SRPK2: variants seen among roughly 807,000 people sequenced by gnomAD.
SRPK2 encodes SRSF protein kinase 2, also known as SFRS protein kinase 2.
In SRPK2, 21 loss-of-function variants were observed where a neutral mutation model predicts 90.8. The observed-to-expected ratio is 0.23, with a 90% confidence interval of 0.16 to 0.33. The LOEUF (loss-of-function observed/expected upper bound fraction) is 0.33, where lower values mean the gene tolerates loss of function less well. Ranked by LOEUF, SRPK2 falls within the 10% of genes least tolerant of loss-of-function variation. The pLI is 1.00. For synonymous variants in SRPK2, 288 were observed against 311.1 expected, an observed-to-expected ratio of 0.93 and a Z score of 0.78; for missense variants, 620 against 869.0, an observed-to-expected ratio of 0.71 and a Z score of 3.60.
At chr7:105,162,318 AGGCATGAGC>A (rs1807798646) in intron 6 of SRPK2, among the ~76,000 whole-genome samples, 1 of 152,230 alleles carries the variant, frequency 6.6e-6, no homozygotes, top group South Asian at 2.1e-4. Flanking sequence ...CTGGGATTAC[AGGCATGAGC>A]CACCACACCT....
At chr7:105,262,215 G>GCCA (rs1356108529) in intron 2 of SRPK2, among the ~76,000 whole-genome samples, 1 of 152,114 alleles carries the variant, frequency 6.6e-6, no homozygotes, top group Admixed American at 6.5e-5. Context: ...ATAAATAATG[G>GCCA]CCAACAGAAA....
chr7:105,211,566 A>T (rs1264326316), intron 2 of SRPK2, among the ~76,000 whole-genome samples: 1 of 152,006 alleles, frequency 6.6e-6, no homozygotes, highest in African/African-American at 2.4e-5. Flanking sequence ...AGTGAGAGTG[A>T]GGGGGGAGGT....
intron 2 of SRPK2, among the ~76,000 whole-genome samples, chr7:105,378,718 A>C (rs1449992518): frequency 6.6e-6 from 1 of 150,642 alleles, no homozygotes; most frequent in Non-Finnish European, 1.5e-5. Context: ...AGCCGAGATC[A>C]TGCCACTGCA....
intron 7 of SRPK2, among the ~76,000 whole-genome samples, chr7:105,159,448 CAAA>C (rs765544583): frequency 1.9e-3 from 63 of 33,138 alleles, no homozygotes; most frequent in Admixed American, 7.2e-3. Flanking sequence ...ACTCCGTCTC[CAAA>C]AAAAAAAAAA....
At chr7:105,126,211 C>T (rs375848047) in intron 15 of SRPK2, 37 bp downstream of exon 15, 32 of 1,494,648 alleles carry the variant, frequency 2.1e-5, no homozygotes, top group Non-Finnish European at 2.9e-5. Flanking sequence ...CAGTTTCTGT[C>T]TGCATCGTGG....
intron 3 of SRPK2, among the ~76,000 whole-genome samples, chr7:105,176,773 G>A (rs10228980): frequency 0.089 from 7,096 of 80,052 alleles, 188 homozygotes; most frequent in African/African-American, 0.13. Flanking sequence ...GTGTGTGTGT[G>A]TATATATATA....
chr7:105,296,487 AG>A, intron 2 of SRPK2, among the ~76,000 whole-genome samples: 1 of 152,354 alleles, frequency 6.6e-6, no homozygotes, highest in Non-Finnish European at 1.5e-5. Context: ...TTTAAAAAAA[AG>A]TCTTTAGAAA....
At chr7:105,128,480 G>T (rs1334141434) in intron 13 of SRPK2, among the ~76,000 whole-genome samples, 1 of 152,100 alleles carries the variant, frequency 6.6e-6, no homozygotes, top group Non-Finnish European at 1.5e-5. Context: ...CTCATAACTG[G>T]CCCCAAATCC....
intron 2 of SRPK2, among the ~76,000 whole-genome samples, chr7:105,365,832 T>C (rs962452671): frequency 6.6e-6 from 1 of 151,394 alleles, no homozygotes; most frequent in Non-Finnish European, 1.5e-5. Flanking sequence ...TTCAGGCAGA[T>C]AGCCTTTCTC....
At chr7:105,250,510 A>T (rs1041187286) in intron 2 of SRPK2, among the ~76,000 whole-genome samples, 3 of 152,136 alleles carry the variant, frequency 2.0e-5, no homozygotes, top group Non-Finnish European at 4.4e-5. Flanking sequence ...ACATTTGGAG[A>T]TATACAGGTT....
chr7:105,202,971 T>C (rs1251100043), intron 3 of SRPK2, among the ~76,000 whole-genome samples: 2 of 152,230 alleles, frequency 1.3e-5, no homozygotes, highest in Admixed American at 1.3e-4. Flanking sequence ...TATGTTCTTT[T>C]ATTATTTTAA....
intron 2 of SRPK2, among the ~76,000 whole-genome samples, chr7:105,227,167 A>C (rs762644567): frequency 6.6e-6 from 1 of 152,214 alleles, no homozygotes; most frequent in Non-Finnish European, 1.5e-5. Flanking sequence ...AGTAATAAAA[A>C]AAGACAAAAG....
intron 2 of SRPK2, among the ~76,000 whole-genome samples, chr7:105,261,258 A>C (rs1248496587): frequency 6.6e-6 from 1 of 152,238 alleles, no homozygotes; most frequent in East Asian, 1.9e-4. Flanking sequence ...GTGGTGGCTC[A>C]AGCCTGTAAT....
At chr7:105,358,291 C>A (rs1818029900) in intron 2 of SRPK2, among the ~76,000 whole-genome samples, 1 of 149,656 alleles carries the variant, frequency 6.7e-6, no homozygotes, top group South Asian at 2.1e-4. Flanking sequence ...GAAGCCTTAT[C>A]AATAACATAA....
At chr7:105,354,290 C>T (rs1346533779) in intron 2 of SRPK2, among the ~76,000 whole-genome samples, 1 of 152,194 alleles carries the variant, frequency 6.6e-6, no homozygotes, top group Non-Finnish European at 1.5e-5. Context: ...GGGCAAATTC[C>T]ACCTTATCCT....
intron 2 of SRPK2, among the ~76,000 whole-genome samples, chr7:105,358,254 G>A (rs1029210941): frequency 7.7e-5 from 11 of 143,386 alleles, no homozygotes; most frequent in African/African-American, 2.0e-4. Flanking sequence ...AACACCCCAC[G>A]TACAACTTCT....
At chr7:105,127,363 A>C (rs1251864442) in intron 13 of SRPK2, among the ~76,000 whole-genome samples, 1 of 152,176 alleles carries the variant, frequency 6.6e-6, no homozygotes, top group East Asian at 1.9e-4. Context: ...CGCGGTATGC[A>C]CTCTATAAAT....
At chr7:105,291,062 A>AAAG (rs1554498425) in intron 2 of SRPK2, among the ~76,000 whole-genome samples, 95 of 150,406 alleles carry the variant, frequency 6.3e-4, no homozygotes, top group African/African-American at 1.8e-3. Context: ...AAAAAAAAAA[A>AAAG]AAAGAAATGA....
intron 2 of SRPK2, among the ~76,000 whole-genome samples, chr7:105,328,494 T>G (rs117730375): frequency 1.8e-5 from 2 of 112,502 alleles, no homozygotes; most frequent in South Asian, 2.8e-4. Context: ...ACCTGGGAGG[T>G]AGAGGTTGCA....
Sources: gnomAD v4.1 joint callset for allele counts (sites outside exome capture counted in the v4.1 genomes callset) on GRCh38, gnomAD v4.1.1 for gene constraint, MANE v1.5 for transcripts, NCBI Gene and HGNC (gene_info 2026-07-23, HGNC 2026-07-21) for gene names.